The following OSBPL8 variants were observed in gnomAD, a reference collection of about 807,000 sequenced individuals.
OSBPL8 encodes oxysterol-binding protein-related protein 8.
A neutral mutation model predicts 125.5 loss-of-function variants in OSBPL8; 59 were observed. The ratio of observed to expected loss-of-function variants is 0.47; its 90% CI spans 0.38 to 0.58. The LOEUF (loss-of-function observed/expected upper bound fraction) is 0.58. Ranked by LOEUF, OSBPL8 falls within the 20% of genes least tolerant of loss-of-function variation. The pLI is 0.00. For synonymous variants in OSBPL8, 330 were observed against 338.9 expected (o/e 0.97, Z 0.29); for missense variants, 758 against 1,047.8 (o/e 0.72, Z 3.82).
chr12:76,555,297 T>C (rs1371978166), intron 1 of OSBPL8, among the ~76,000 whole-genome samples: 1 of 152,196 alleles, frequency 6.6e-6, no homozygotes, highest in Admixed American at 6.5e-5. Flanking sequence ...ACATATCCCT[T>C]ACTTTGAGCT....
At chr12:76,398,007 T>A in intron 7 of OSBPL8, 110 bp from the exon 8 acceptor site, 1 of 861,714 alleles carries the variant, frequency 1.2e-6, no homozygotes, top group Non-Finnish European at 1.8e-6. Flanking sequence ...ACGTACACTT[T>A]AAATATTTTA....
At chr12:76,388,054 C>T (rs1953394006) in intron 12 of OSBPL8, among the ~76,000 whole-genome samples, 1 of 152,110 alleles carries the variant, frequency 6.6e-6, no homozygotes, top group Non-Finnish European at 1.5e-5. Context: ...CTCTTCTGTA[C>T]ACCTTGCTTT....
intron 15 of OSBPL8, among the ~76,000 whole-genome samples, chr12:76,379,814 G>T (rs1198718255): frequency 6.6e-6 from 1 of 152,100 alleles, no homozygotes; most frequent in Non-Finnish European, 1.5e-5. Context: ...GTATACTTAA[G>T]AACATTTACG....
At chr12:76,490,372 C>A (rs894693634) in intron 1 of OSBPL8, among the ~76,000 whole-genome samples, 1 of 152,220 alleles carries the variant, frequency 6.6e-6, no homozygotes, top group African/African-American at 2.4e-5. Flanking sequence ...ACCTGTCCTG[C>A]CCAACCCCAT....
chr12:76,435,029 G>C (rs1172822866), intron 4 of OSBPL8, among the ~76,000 whole-genome samples: 1 of 152,090 alleles, frequency 6.6e-6, no homozygotes, highest in East Asian at 1.9e-4. Context: ...AATGAAACCT[G>C]TATCTCAAGG....
At chr12:76,466,125 C>T (rs769250335) in intron 2 of OSBPL8, among the ~76,000 whole-genome samples, 14 of 152,018 alleles carry the variant, frequency 9.2e-5, no homozygotes, top group Admixed American at 2.0e-4. Flanking sequence ...TTTTCTTATA[C>T]ACATACAAAC....
chr12:76,392,255 G>A (rs1953593416), intron 10 of OSBPL8, among the ~76,000 whole-genome samples: 1 of 152,162 alleles, frequency 6.6e-6, no homozygotes, highest in African/African-American at 2.4e-5. Flanking sequence ...TGATCTTGAA[G>A]AATATATAGA....
intron 1 of OSBPL8, among the ~76,000 whole-genome samples, chr12:76,544,782 C>T (rs983350182): frequency 7.2e-5 from 11 of 151,902 alleles, no homozygotes; most frequent in African/African-American, 2.7e-4. Context: ...GAAGGTTCAA[C>T]TTCTCACTTA....
intron 1 of OSBPL8, among the ~76,000 whole-genome samples, chr12:76,522,678 A>G (rs1341308663): frequency 5.3e-5 from 8 of 152,202 alleles, no homozygotes; most frequent in Admixed American, 5.2e-4. Flanking sequence ...GCAGATGTCA[A>G]TGCCATGCTT....
At chr12:76,516,368 T>C (rs1881531461) in intron 1 of OSBPL8, among the ~76,000 whole-genome samples, 1 of 152,248 alleles carries the variant, frequency 6.6e-6, no homozygotes, top group Non-Finnish European at 1.5e-5. Context: ...CACAATTAAC[T>C]GTTCTAGTCA....
At position 76,356,008 on chromosome 12, in the gene OSBPL8, G is replaced by A; in HGVS notation, c.2551C>T (p.Leu851Phe). 4 of 1,611,160 alleles carry A rather than the reference G, an allele frequency of 2.5e-6. No homozygotes were observed. The highest frequency in any genetic ancestry group is 3.4e-6 in the Non-Finnish European group (4 of 1,179,026). The change falls in exon 24 of 24, where the codon CTT (leucine) becomes TTT (phenylalanine). Residue 851 changes from leucine to phenylalanine, a missense_variant. This residue lies in a region of OSBPL8 where 572 missense variants were observed against 762.0 expected (regional missense o/e 0.75). Coordinates refer to ENST00000261183, the MANE Select transcript of OSBPL8 (RefSeq NM_020841.5). Reference protein sequence around the residue: ...QEEIKRNIMALRNHLVSSTPA... With the variant: ...QEEIKRNIMAFRNHLVSSTPA... ...GTGCTTGAAACTAAATGATTTCGAA[G>A]AGCCATAATATTTCTATAAAAATAA... is the stretch of plus-strand genomic sequence containing the variant.
chr12:76,458,964 T>C lies in OSBPL8; in HGVS notation c.79+895A>G, dbSNP rs187104531. On this transcript the variant is annotated intron_variant, in intron 3 of 23. Transcript: ENST00000261183. The stretch of plus-strand genomic sequence containing the variant: ...CTTCCTAAATCAATATAATTTTCTA[T>C]ATTATTCATCAATGAAGTTAAAAAT... 2.4e-4 allele frequency among the ~76,000 whole-genome samples: 36 copies of C among 152,348 alleles called. 1 individual carries two copies. The East Asian group carries it at 5.2e-3, about 22-fold the overall frequency.
At chr12:76,368,415 G>A (rs1035433680) in intron 21 of OSBPL8, among the ~76,000 whole-genome samples, 3 of 152,008 alleles carry the variant, frequency 2.0e-5, no homozygotes, top group African/African-American at 7.3e-5. Flanking sequence ...TGAGCTTCTT[G>A]AATTTGTAGA....
intron 16 of OSBPL8, among the ~76,000 whole-genome samples, chr12:76,376,597 GTTTTA>G (rs1952827386): frequency 6.6e-6 from 1 of 152,046 alleles, no homozygotes; most frequent in Non-Finnish European, 1.5e-5. Context: ...ATGGAATATA[GTTTTA>G]TTTTTTCTAA....
In OSBPL8 at chr12:76,355,974, G is replaced by A. The variant is rs746903096; in HGVS notation, c.2585C>T (p.Thr862Met). 6.2e-6 allele frequency: 10 copies of A among 1,613,084 alleles called. No homozygotes were observed. Among genetic ancestry groups the A allele is most frequent in the East Asian group, 4.5e-5 (2 of 44,858 alleles). The change falls in exon 24 of 24, where the codon ACG (threonine) becomes ATG (methionine). Residue 862 changes from threonine to methionine, a missense_variant. Coordinates refer to ENST00000261183, the MANE Select transcript of OSBPL8 (RefSeq NM_020841.5). ...RNHLVSSTPA[T>M]DYFLQQKDYF... is the part of the protein sequence containing the mutation. ...GTCTTTTTGTTGCAGAAAATAATCC[G>A]TGGCCGGTGTGCTTGAAACTAAATG...
At chr12:76,390,078 A>G in intron 11 of OSBPL8, 2 of 404,300 alleles carry the variant, frequency 4.9e-6, no homozygotes, top group East Asian at 3.7e-5. Context: ...CTATTATTTT[A>G]TACTACATTT....
At chr12:76,433,916 A>G (rs981439765) in intron 4 of OSBPL8, among the ~76,000 whole-genome samples, 2 of 147,100 alleles carry the variant, frequency 1.4e-5, no homozygotes, top group African/African-American at 2.5e-5. Context: ...CGGAGGTTGC[A>G]GTGAGCCAAG....
intron 4 of OSBPL8, among the ~76,000 whole-genome samples, chr12:76,417,763 T>C (rs1312862905): frequency 3.3e-5 from 5 of 152,178 alleles, no homozygotes. Context: ...TTTATGTTTT[T>C]AAAAACCGTA....
intron 4 of OSBPL8, among the ~76,000 whole-genome samples, chr12:76,419,978 G>A (rs936197640): frequency 6.6e-6 from 1 of 152,074 alleles, no homozygotes; most frequent in Non-Finnish European, 1.5e-5. Context: ...TAATGCAATG[G>A]AATATTATCG....
Sources: gnomAD v4.1 joint callset for allele counts (sites outside exome capture counted in the v4.1 genomes callset) on GRCh38, gnomAD v4.1.1 for gene constraint, gnomAD v4.1.1 regional missense constraint, MANE v1.5 for transcripts, NCBI Gene and HGNC (gene_info 2026-07-23, HGNC 2026-07-21) for gene names.